Variants in FHIP2B observed in about 807,000 individuals in gnomAD.
FHIP2B encodes the protein FHF complex subunit HOOK-interacting protein 2B.
Under a neutral mutation model 84.0 loss-of-function variants are expected in FHIP2B, and 72 were observed. That is an observed-to-expected ratio of 0.86 (90% CI 0.71 to 1.04). The LOEUF (loss-of-function observed/expected upper bound fraction) is 1.04. Ranked by LOEUF, FHIP2B falls within the 50% of genes least tolerant of loss-of-function variation. The pLI is 0.00. For missense variants in FHIP2B, 972 were observed against 968.9 expected, an observed-to-expected ratio of 1.00 and a Z score of -0.04; for synonymous variants, 497 against 418.7, an observed-to-expected ratio of 1.19 and a Z score of -2.28.
chr8:22,102,402 G>A, intron 15 of FHIP2B, 87 bp downstream of exon 15: 1 of 1,366,468 alleles, frequency 7.3e-7, no homozygotes, highest in Non-Finnish European at 1.0e-6. Context: ...TTGGGGGCTG[G>A]AGGGGTGGGC....
intron 10 of FHIP2B, chr8:22,100,372 C>T: frequency 2.2e-6 from 1 of 462,752 alleles, no homozygotes; most frequent in Admixed American, 4.1e-5. Context: ...ATTGGCTTGC[C>T]TGAAATTGCA....
intron 1 of FHIP2B, among the ~76,000 whole-genome samples, chr8:22,092,207 C>A (rs1825527793): frequency 6.6e-6 from 1 of 152,208 alleles, no homozygotes; most frequent in Non-Finnish European, 1.5e-5. Flanking sequence ...GTTGCAGTGG[C>A]CTTCTAAGCA....
chr8:22,095,236 AG>A (rs1472037674), intron 2 of FHIP2B: 2 of 152,284 alleles, frequency 1.3e-5, no homozygotes, highest in Non-Finnish European at 2.9e-5. Flanking sequence ...AGCCCGGGCC[AG>A]CCCAGGAAAT....
At chr8:22,089,484 C>T (rs1825350046) in intron 1 of FHIP2B, among the ~76,000 whole-genome samples, 186 bp downstream of exon 1, 1 of 151,792 alleles carries the variant, frequency 6.6e-6, no homozygotes, top group South Asian at 2.1e-4. Flanking sequence ...TCGCTCTTCC[C>T]AGTCCCGCTC....
chr8:22,091,269 T>A (rs1299820411), intron 1 of FHIP2B, among the ~76,000 whole-genome samples: 2 of 96,458 alleles, frequency 2.1e-5, no homozygotes, highest in Non-Finnish European at 4.5e-5. Context: ...TTTTTTTTTT[T>A]AAGATGGAGT....
intron 7 of FHIP2B, 49 bp from the exon 8 acceptor site, chr8:22,098,899 T>C (rs1477286658): frequency 2.0e-6 from 3 of 1,473,404 alleles, no homozygotes; most frequent in East Asian, 2.4e-5. Context: ...GAGGAAGACC[T>C]TGAAGCTCCT....
Position 22,097,585 on chromosome 8 carries a change from C to T in FHIP2B, c.367C>T (p.Leu123=), listed in dbSNP as rs773966988. The stretch of plus-strand genomic sequence containing the variant: ...GGTTCTGGCGCAGGTGCAGCACCCC[C>T]TGCTGCATTACCTCAGCGTCCACAG... ...SKVLAQVQHP[L]LHYLSVHRPV... Residue 123 remains leucine, a synonymous_variant, in exon 4 of 17, where the codon CTG becomes TTG. Coordinates refer to ENST00000289921, the MANE Select transcript of FHIP2B (RefSeq NM_022749.7). 15 of 1,607,800 alleles carry T rather than the reference C, an allele frequency of 9.3e-6. No individual in the cohort carries two copies. The African/African-American group carries it at 1.2e-4, about 13-fold the overall frequency.
rs780463207 is a variant in FHIP2B at position 22,102,304 on chromosome 8, G to A, written c.1981G>A (p.Val661Met). The part of the protein sequence containing the change: ...LAPGCRSLFS[V>M]LVRVIGDLMQ... ...CCCCGGCTGCAGGAGCCTATTCTCC[G>A]TGTTGGTGAGGGTGAGGACGCCTCG... Residue 661 changes from valine to methionine, a missense_variant, in exon 15 of 17, where the codon GTG (valine) becomes ATG (methionine). Coordinates refer to ENST00000289921, the MANE Select transcript of FHIP2B (RefSeq NM_022749.7). 54 of 1,612,418 alleles carry A rather than the reference G, an allele frequency of 3.3e-5. No individual in the cohort carries two copies. In the Admixed American group the frequency reaches 7.7e-4, roughly 23 times the overall value.
chr8:22,090,166 C>T (rs1267704007), intron 1 of FHIP2B, among the ~76,000 whole-genome samples: 1 of 141,072 alleles, frequency 7.1e-6, no homozygotes, highest in African/African-American at 2.6e-5. Context: ...GGGGGGTGCC[C>T]GCTGTTGAAA....
chr8:22,098,981 C>T lies in FHIP2B; in HGVS notation c.999C>T (p.Phe333=). ...LPSAPSDEAS[F]PGKEALAAFL... ...GTGCCCCGTCTGATGAGGCTTCCTT[C>T]CCTGGCAAGGAGGCCTTGGCTGCCT... The change falls in exon 8 of 17, where the codon TTC becomes TTT. Residue 333 remains phenylalanine (F), a synonymous_variant. Coordinates refer to ENST00000289921, the MANE Select transcript of FHIP2B (RefSeq NM_022749.7). 1 of 1,607,994 alleles carries T rather than the reference C, an allele frequency of 6.2e-7. No individual in the cohort carries two copies.
intron 10 of FHIP2B, 132 bp from the exon 11 acceptor site, chr8:22,100,462 G>T (rs1017756514): frequency 9.7e-7 from 1 of 1,029,268 alleles, no homozygotes; most frequent in East Asian, 3.2e-5. Flanking sequence ...CCCAAAACCT[G>T]CCACCTTAGC....
Position 22,094,792 on chromosome 8 carries a change from C to T in FHIP2B, c.124+274C>T, listed in dbSNP as rs1226564458. On this transcript the variant is annotated intron_variant, in intron 2 of 16. Transcript: ENST00000289921. ...CTGGTTGGGGGTCTCACTGGCCTGACTCTGCAAGGAAGAGGTGGCTGCACT... is the reference window on the plus strand; with the variant it reads ...CTGGTTGGGGGTCTCACTGGCCTGATTCTGCAAGGAAGAGGTGGCTGCACT... 6 of 1,258,056 alleles carry T rather than the reference C, an allele frequency of 4.8e-6. No individual in the cohort carries two copies. The African/African-American group carries it at 9.5e-5, about 20-fold the overall frequency. 77.9% of individuals were successfully genotyped at this position (1,258,056 alleles called of 1,614,324 possible).
In FHIP2B at chr8:22,098,359, G is replaced by A. The variant is rs146497282; in HGVS notation, c.768+49G>A. 5.8e-4 allele frequency: 878 copies of A among 1,519,314 alleles called. 2 individuals are homozygous for A. In the African/African-American group the frequency reaches 8.4e-3, roughly 15 times the overall value. 94.1% of individuals were successfully genotyped at this position (1,519,314 alleles called of 1,614,324 possible). ...GTTGGGGGTGGGGGAAGGGTGGGTT[G>A]ACGGCTGGGGGGTGATTTGGGGGCT... On this transcript the variant is annotated intron_variant, in intron 6 of 16. Coordinates refer to ENST00000289921, the MANE Select transcript of FHIP2B (RefSeq NM_022749.7).
intron 1 of FHIP2B, among the ~76,000 whole-genome samples, chr8:22,090,156 G>A (rs1563585551): frequency 7.3e-6 from 1 of 136,624 alleles, no homozygotes; most frequent in African/African-American, 2.6e-5. Context: ...GGTAGGGTGG[G>A]GGGGGTGCCC....
chr8:22,097,978 C>A, intron 5 of FHIP2B, 90 bp from the exon 6 acceptor site: 1 of 1,528,372 alleles, frequency 6.5e-7, no homozygotes, highest in Non-Finnish European at 8.8e-7. Context: ...TCCAGGCCGA[C>A]GCCCTGCTGG....
chr8:22,089,542 C>T (rs1296475437), intron 1 of FHIP2B, among the ~76,000 whole-genome samples: 1 of 152,092 alleles, frequency 6.6e-6, no homozygotes, highest in Admixed American at 6.5e-5. Flanking sequence ...TCCCGCGTCG[C>T]TTCCTGTCTG....
chr8:22,100,354 A>T, intron 10 of FHIP2B: 1 of 446,706 alleles, frequency 2.2e-6, no homozygotes, highest in Non-Finnish European at 3.9e-6. Context: ...TAAGGCACGG[A>T]GAAGCGAATT....
rs1826094596 is a variant in FHIP2B, at chr8:22,101,215, G to A, written c.1617-225G>A. ...TTTTTATAGTTTTAGTAGAGACTGG[G>A]TTTCCCCATGTTGGCCAGGCAGGTC... On this transcript the variant is annotated intron_variant, in intron 12 of 16. Coordinates refer to ENST00000289921, the MANE Select transcript of FHIP2B (RefSeq NM_022749.7). 1.1e-5 allele frequency: 7 copies of A among 642,744 alleles called. No homozygotes were observed. The South Asian group carries it at 1.2e-4, about 11-fold the overall frequency. 39.8% of individuals were successfully genotyped at this position (642,744 alleles called of 1,614,324 possible).
chr8:22,093,022 C>A (rs1026663176), intron 1 of FHIP2B, among the ~76,000 whole-genome samples: 2 of 152,104 alleles, frequency 1.3e-5, no homozygotes, highest in Admixed American at 1.3e-4. Flanking sequence ...ATAGTGGGCA[C>A]TTAGAATGAA....
Sources: allele counts gnomAD v4.1 joint callset (sites outside exome capture counted in the v4.1 genomes callset), GRCh38; gene constraint gnomAD v4.1.1; transcripts MANE v1.5; gene names NCBI Gene and HGNC (gene_info 2026-07-23, HGNC 2026-07-21).